Variants in TRPV1 observed in about 807,000 individuals in gnomAD.
TRPV1 encodes OTRPC1.
TRPV1 carries 82 observed loss-of-function variants against 82.3 expected under a neutral mutation model. That is an observed-to-expected ratio of 1.00 (90% confidence interval 0.83 to 1.20). TRPV1 has a LOEUF of 1.20. Among genes scored for constraint, TRPV1 ranks in the 50% most tolerant of loss-of-function variants. The pLI is 0.00. For missense variants in TRPV1, 1,067 were observed against 1,096.8 expected (o/e 0.97, Z 0.38); for synonymous variants, 515 against 467.7 (o/e 1.10, Z -1.30).
At chr17:3,569,026 G>C (rs186406336) in intron 16 of TRPV1, among the ~76,000 whole-genome samples, 2 of 151,446 alleles carry the variant, frequency 1.3e-5, no homozygotes, top group Middle Eastern at 3.4e-3. Flanking sequence ...GACAAAAAAC[G>C]AAACACCACA....
At position 3,587,744 on chromosome 17, in the gene TRPV1, T is replaced by C. The variant is rs184930396; in HGVS notation, c.1224+444A>G. Among the ~76,000 whole-genome samples, 22 of 150,274 alleles carry C rather than the reference T, an allele frequency of 1.5e-4. No homozygotes were observed. In the East Asian group the frequency reaches 2.6e-3, roughly 18 times the overall value. ...AGGAGAATCGCTTGAACCCGGGAGA[T>C]AGAGGTTGCAGTGAGCCGGGATGGC... On this transcript the variant is annotated intron_variant, in intron 8 of 16. Coordinates refer to ENST00000572705, the MANE Select transcript of TRPV1 (RefSeq NM_080704.4).
intron 8 of TRPV1, 49 bp from the exon 9 acceptor site, chr17:3,585,975 T>A (rs996011851): frequency 3.7e-6 from 6 of 1,607,066 alleles, no homozygotes; most frequent in Non-Finnish European, 5.1e-6. Context: ...CAGGAACTCC[T>A]CGCACGCCCA....
intron 12 of TRPV1, among the ~76,000 whole-genome samples, 197 bp downstream of exon 12, chr17:3,577,401 G>A (rs1274147919): frequency 2.0e-5 from 3 of 152,138 alleles, no homozygotes; most frequent in African/African-American, 7.2e-5. Context: ...GTGTGCAGGG[G>A]GGGTCAGGTT....
At chr17:3,596,031 A>C (rs889999342) in intron 2 of TRPV1, among the ~76,000 whole-genome samples, 1 of 152,130 alleles carries the variant, frequency 6.6e-6, no homozygotes, top group Non-Finnish European at 1.5e-5. Context: ...GGGAACTTCT[A>C]CCGTGATTTA....
At chr17:3,603,717 A>G (rs1263210873) in intron 2 of TRPV1, among the ~76,000 whole-genome samples, 1 of 152,130 alleles carries the variant, frequency 6.6e-6, no homozygotes, top group Non-Finnish European at 1.5e-5. Context: ...CGAAGTTATG[A>G]CTAATTGTTT....
At chr17:3,597,672 CTTT>C (rs34662119) in intron 2 of TRPV1, among the ~76,000 whole-genome samples, 10 of 117,912 alleles carry the variant, frequency 8.5e-5, no homozygotes, top group Non-Finnish European at 8.5e-5. Context: ...GTGTCATTTC[CTTT>C]TTTTTTTTTT....
chr17:3,599,451 C>T (rs1005899391), intron 2 of TRPV1, among the ~76,000 whole-genome samples: 1 of 152,052 alleles, frequency 6.6e-6, no homozygotes, highest in East Asian at 1.9e-4. Context: ...CGACCCCAAC[C>T]CCCTAACGAC....
rs1439469784 is a variant in TRPV1, at chr17:3,590,918, C to T, written c.604+46G>A. ...AGGGACAACCATGCCCCCCTGCTTC[C>T]CGGTGCTGCGGGCTGAGCCATGCCC... On this transcript the variant is annotated intron_variant, in intron 5 of 16. Transcript: ENST00000572705. 3.9e-6 allele frequency: 6 copies of T among 1,522,470 alleles called. No homozygotes were observed. In the African/African-American group the frequency reaches 6.9e-5, roughly 17 times the overall value. The allele number at this position is 1,522,470 out of a possible 1,614,324, so 94.3% of individuals were successfully genotyped here.
intron 13 of TRPV1, among the ~76,000 whole-genome samples, chr17:3,574,621 C>T (rs972231442): frequency 2.6e-5 from 4 of 152,152 alleles, no homozygotes; most frequent in Non-Finnish European, 5.9e-5. Flanking sequence ...CTGTGGGACT[C>T]GGATGAGCAT....
intron 16 of TRPV1, among the ~76,000 whole-genome samples, chr17:3,569,088 A>G (rs556568220): frequency 1.3e-3 from 192 of 146,630 alleles, no homozygotes; most frequent in Non-Finnish European, 2.3e-3. Context: ...AGACACAGGA[A>G]GGGGGACATC....
chr17:3,586,501 G>A (rs2075086671), intron 8 of TRPV1, among the ~76,000 whole-genome samples: 1 of 152,246 alleles, frequency 6.6e-6, no homozygotes, highest in African/African-American at 2.4e-5. Flanking sequence ...GCCGGGTGTA[G>A]TGGCTCACGC....
chr17:3,582,851 T>TCAGGATGCTGAGG (rs1555550283), intron 10 of TRPV1, among the ~76,000 whole-genome samples: 6 of 150,554 alleles, frequency 4.0e-5, no homozygotes, highest in Non-Finnish European at 8.9e-5. Flanking sequence ...TCCCAGCTAC[T>TCAGGATGCTGAGG]CAGGAGAATT....
intron 7 of TRPV1, among the ~76,000 whole-genome samples, chr17:3,589,238 G>C (rs2075123276): frequency 7.8e-6 from 1 of 128,950 alleles, no homozygotes; most frequent in South Asian, 2.4e-4. Context: ...ACAGAGTCTT[G>C]CTCTGTCACA....
At chr17:3,573,507 G>A in intron 14 of TRPV1, 126 bp downstream of exon 14, 1 of 988,344 alleles carries the variant, frequency 1.0e-6, no homozygotes, top group South Asian at 1.6e-5. Flanking sequence ...GGATAGAGAG[G>A]CCCATACCCT....
chr17:3,593,164 C>T (rs1394347645), intron 2 of TRPV1, among the ~76,000 whole-genome samples: 1 of 150,574 alleles, frequency 6.6e-6, no homozygotes, highest in Non-Finnish European at 1.5e-5. Flanking sequence ...GTCGCCCAGA[C>T]TAGAGTGCAA....
chr17:3,602,125 AAAG>A (rs1265203294), intron 2 of TRPV1: 1 of 152,234 alleles, frequency 6.6e-6, no homozygotes, highest in African/African-American at 2.4e-5. Flanking sequence ...ACTGATAAGG[AAAG>A]AAGCACAGAC....
At chr17:3,598,907 C>A (rs2075241854) in intron 2 of TRPV1, among the ~76,000 whole-genome samples, 2 of 150,734 alleles carry the variant, frequency 1.3e-5, no homozygotes, top group Non-Finnish European at 3.0e-5. Flanking sequence ...ATGTTAGCTT[C>A]AATTAATATG....
At chr17:3,580,016 A>G (rs2074985179) in intron 11 of TRPV1, among the ~76,000 whole-genome samples, 1 of 137,420 alleles carries the variant, frequency 7.3e-6, no homozygotes, top group Non-Finnish European at 1.6e-5. Context: ...TACGATGCAC[A>G]GGGCAGCCCC....
Position 3,585,807 on chromosome 17 carries a change from G to A in TRPV1, c.1344C>T (p.Ile448=). The A allele has an allele frequency of 6.2e-7, 1 of 1,613,838 alleles. No individual in the cohort carries two copies. The highest frequency in any genetic ancestry group is 8.5e-7 in the Non-Finnish European group (1 of 1,179,834). The part of the protein sequence containing the change: ...NFLVYCLYMI[I]FTMAAYYRPV... ...GCCTGTAGTAGGCAGCCATGGTGAA[G>A]ATGATCATGTACAGGCAGTAGACCA... Residue 448 remains isoleucine (I), a synonymous_variant, in exon 9 of 17, where the codon ATC becomes ATT. Coordinates refer to ENST00000572705, the MANE Select transcript of TRPV1 (RefSeq NM_080704.4).
Sources: allele counts gnomAD v4.1 joint callset (sites outside exome capture counted in the v4.1 genomes callset), GRCh38; gene constraint gnomAD v4.1.1; transcripts MANE v1.5; gene names NCBI Gene and HGNC (gene_info 2026-07-23, HGNC 2026-07-21).